Variants in WT1 observed in about 807,000 individuals in gnomAD.
The protein encoded by WT1 is WT1 transcription factor.
Under a neutral mutation model 60.8 loss-of-function variants are expected in WT1, and 8 were observed. The observed-to-expected ratio is 0.13, with a 90% confidence interval of 0.08 to 0.24. The LOEUF is 0.24. Among genes scored for constraint, WT1 ranks in the 10% least tolerant of loss-of-function variants. WT1 has a pLI of 1.00. For synonymous variants in WT1, 312 were observed against 297.1 expected (o/e 1.05, Z -0.52); for missense variants, 568 against 711.8 (o/e 0.80, Z 2.30).
intron 3 of WT1, among the ~76,000 whole-genome samples, chr11:32,427,140 C>T (rs541331357): frequency 4.6e-5 from 7 of 152,212 alleles, no homozygotes; most frequent in Admixed American, 1.3e-4. Flanking sequence ...CGCGCTGCTG[C>T]TCCCCGGCCC....
At chr11:32,390,134 T>C (rs1438110878) in intron 9 of WT1, among the ~76,000 whole-genome samples, 1 of 152,164 alleles carries the variant, frequency 6.6e-6, no homozygotes, top group East Asian at 1.9e-4. Context: ...CTCCCAGGCC[T>C]AGCCATGATG....
chr11:32,412,624 G>A (rs1852537229), intron 5 of WT1, among the ~76,000 whole-genome samples: 1 of 151,540 alleles, frequency 6.6e-6, no homozygotes, highest in South Asian at 2.1e-4. Flanking sequence ...ATAGAAAGCA[G>A]ATAACACAAG....
intron 5 of WT1, 143 bp from the exon 6 acceptor site, chr11:32,400,187 CT>C: frequency 1.0e-6 from 1 of 962,848 alleles, no homozygotes; most frequent in Non-Finnish European, 1.6e-6. Flanking sequence ...CATGGGGCCA[CT>C]TTAGATGCAG....
intron 5 of WT1, among the ~76,000 whole-genome samples, chr11:32,410,785 G>C (rs1462860339): frequency 1.3e-5 from 2 of 152,146 alleles, no homozygotes; most frequent in Admixed American, 6.5e-5. Context: ...AATAAAGCTA[G>C]AATAAATAAA....
At chr11:32,396,210 A>T (rs1400564181) in intron 7 of WT1, 47 bp downstream of exon 7, 1 of 1,612,922 alleles carries the variant, frequency 6.2e-7, no homozygotes, top group Non-Finnish European at 8.5e-7. Context: ...CTGGAAAAGG[A>T]GCTCTTGAAC....
intron 3 of WT1, among the ~76,000 whole-genome samples, chr11:32,418,059 T>A (rs1323075836): frequency 3.3e-5 from 5 of 151,884 alleles, no homozygotes; most frequent in Admixed American, 1.3e-4. Context: ...GAAAAGGCCA[T>A]TAAGTTGTTT....
At chr11:32,423,441 C>CG (rs1564991413) in intron 3 of WT1, among the ~76,000 whole-genome samples, 1 of 152,200 alleles carries the variant, frequency 6.6e-6, no homozygotes, top group Non-Finnish European at 1.5e-5. Context: ...TCAGGGAAAA[C>CG]GCTGTCCCAA....
chr11:32,416,616 C>T (rs1852681925), intron 4 of WT1, 76 bp from the exon 5 acceptor site: 1 of 1,559,978 alleles, frequency 6.4e-7, no homozygotes, highest in Non-Finnish European at 8.8e-7. Flanking sequence ...TCCCAGAATC[C>T]AGTGAAAAGC....
At position 32,388,263 on chromosome 11, in the gene WT1, C is replaced by T. The variant is rs1851717270; in HGVS notation, c.*795G>A. ...CTCCCAGTGATGAAAATGAATTCCC[C>T]TCCATTTGTGCAAGGAGGTATGTAC... On this transcript the variant is annotated 3_prime_UTR_variant, in exon 10 of 10. Coordinates refer to ENST00000452863, the MANE Select transcript of WT1 (RefSeq NM_024426.6). 8.6e-6 allele frequency: 2 copies of T among 233,556 alleles called. No individual in the cohort carries two copies. The highest frequency in any genetic ancestry group is 4.4e-5 in the African/African-American group (2 of 45,332). The allele number at this position is 233,556 out of a possible 1,614,324, so 14.5% of individuals were successfully genotyped here.
chr11:32,392,194 C>G (rs1851838400), intron 8 of WT1, 130 bp from the exon 9 acceptor site: 1 of 828,544 alleles, frequency 1.2e-6, no homozygotes, highest in East Asian at 2.4e-5. Context: ...ATCTGCCTCA[C>G]CCTTAGATTT....
At chr11:32,421,626 G>A (rs1852857175) in intron 3 of WT1, among the ~76,000 whole-genome samples, 1 of 152,094 alleles carries the variant, frequency 6.6e-6, no homozygotes, top group African/African-American at 2.4e-5. Flanking sequence ...GCAAAAAGGG[G>A]GAGCTTAAAA....
chr11:32,418,244 T>G (rs58844027), intron 3 of WT1, among the ~76,000 whole-genome samples: 13,566 of 129,596 alleles, frequency 0.1, 1,645 homozygotes, highest in African/African-American at 0.31. Flanking sequence ...CAAGTCAAAT[T>G]AAAAAAAAAA....
intron 6 of WT1, among the ~76,000 whole-genome samples, chr11:32,398,927 C>T (rs1330470709): frequency 1.3e-5 from 2 of 151,246 alleles, no homozygotes; most frequent in African/African-American, 2.4e-5. Context: ...GAGGCCGAGG[C>T]GAGTGGATCA....
At chr11:32,396,586 A>C (rs957241538) in intron 6 of WT1, among the ~76,000 whole-genome samples, 179 bp from the exon 7 acceptor site, 5 of 152,236 alleles carry the variant, frequency 3.3e-5, no homozygotes, top group Non-Finnish European at 5.9e-5. Context: ...ATGCTAGATC[A>C]GGACATTCTA....
chr11:32,417,222 C>A (rs1279818874), intron 4 of WT1, among the ~76,000 whole-genome samples: 1 of 152,138 alleles, frequency 6.6e-6, no homozygotes, highest in African/African-American at 2.4e-5. Context: ...TTTGCACACC[C>A]AAAGCACTTC....
At chr11:32,405,410 C>T (rs1249188855) in intron 5 of WT1, among the ~76,000 whole-genome samples, 2 of 151,674 alleles carry the variant, frequency 1.3e-5, no homozygotes, top group African/African-American at 4.8e-5. Context: ...GATGGCACCA[C>T]TGCACTCTAG....
intron 3 of WT1, among the ~76,000 whole-genome samples, 188 bp from the exon 4 acceptor site, chr11:32,417,842 T>A (rs893395831): frequency 6.6e-6 from 1 of 152,206 alleles, no homozygotes; most frequent in African/African-American, 2.4e-5. Flanking sequence ...ATACACTTCA[T>A]ACACAGCAGA....
chr11:32,394,240 G>A (rs1339495333), intron 7 of WT1, among the ~76,000 whole-genome samples: 1 of 152,086 alleles, frequency 6.6e-6, no homozygotes, highest in Non-Finnish European at 1.5e-5. Context: ...TTTCACCTCT[G>A]TGAGCTGGAG....
intron 1 of WT1, among the ~76,000 whole-genome samples, chr11:32,434,155 G>T (rs1229911177): frequency 1.3e-5 from 2 of 152,232 alleles, no homozygotes; most frequent in East Asian, 1.9e-4. Context: ...AGTTCTCTAC[G>T]ATACTTAATG....
Sources: gnomAD v4.1 joint callset for allele counts (sites outside exome capture counted in the v4.1 genomes callset) on GRCh38, gnomAD v4.1.1 for gene constraint, MANE v1.5 for transcripts, NCBI Gene and HGNC (gene_info 2026-07-23, HGNC 2026-07-21) for gene names.